Variants in SLC19A2 observed in about 807,000 individuals in gnomAD.
SLC19A2 encodes the protein thiamine transporter 1.
Under a neutral mutation model 44.7 loss-of-function variants are expected in SLC19A2, and 27 were observed. The ratio of observed to expected loss-of-function variants is 0.60; its 90% CI spans 0.45 to 0.83. SLC19A2 has a LOEUF of 0.83. Among genes scored for constraint, SLC19A2 ranks in the 40% least tolerant of loss-of-function variants. The probability of loss-of-function intolerance (pLI) is 0.00; values close to 1 mark genes in which losing one functional copy is unlikely to be tolerated. For missense variants in SLC19A2, 566 were observed against 613.7 expected, an observed-to-expected ratio of 0.92 and a Z score of 0.82; for synonymous variants, 239 against 243.6, an observed-to-expected ratio of 0.98 and a Z score of 0.18.
At chr1:169,483,682 G>A (rs1319287909) in intron 1 of SLC19A2, among the ~76,000 whole-genome samples, 1 of 152,182 alleles carries the variant, frequency 6.6e-6, no homozygotes, top group Non-Finnish European at 1.5e-5. Flanking sequence ...TTGGTAGCAC[G>A]TCACACAGCA....
rs764767167 is a variant in SLC19A2 at position 169,470,168 on chromosome 1, G to A, written c.826C>T (p.Leu276Phe). The A allele has an allele frequency of 1.2e-6, 2 of 1,614,034 alleles. No homozygotes were observed. Among genetic ancestry groups the A allele is most frequent in the Admixed American group, 3.3e-5 (2 of 59,984 alleles). ...VEEPEPKPDR[L>F]LVLKVLWNDF... The stretch of plus-strand genomic sequence containing the variant: ...TTCCATAGTACTTTCAATACAAGGA[G>A]ACGGTCTGGCTTGGGTTCCTACATA... The change falls in exon 3 of 6, where the codon CTC becomes TTC. Residue 276 changes from leucine (L) to phenylalanine (F), a missense_variant. By Grantham distance (22) the Leu-to-Phe change is conservative. Transcript: ENST00000236137.
At chr1:169,480,673 C>T (rs1332891227) in intron 1 of SLC19A2, among the ~76,000 whole-genome samples, 1 of 152,118 alleles carries the variant, frequency 6.6e-6, no homozygotes, top group Non-Finnish European at 1.5e-5. Context: ...CCCAACATAG[C>T]ACCATGAAGT....
rs1658553110 is a variant in SLC19A2, at chr1:169,485,810, C to T, written c.-44G>A. On this transcript the variant is annotated 5_prime_UTR_variant, in exon 1 of 6. Coordinates refer to ENST00000236137, the MANE Select transcript of SLC19A2 (RefSeq NM_006996.3). ...GGACCCGGCCCGGCCCCTTCCTTCT[C>T]CTCCTCCGCCAACTGGAGTGAGGGT... 1.3e-6 allele frequency: 2 copies of T among 1,499,956 alleles called. No individual in the cohort carries two copies. The highest frequency in any genetic ancestry group is 1.8e-6 in the Non-Finnish European group (2 of 1,131,388). The allele number at this position is 1,499,956 out of a possible 1,614,324, so 92.9% of individuals were successfully genotyped here. A position where few individuals can be genotyped will look rare whatever the true frequency, so the allele number is the denominator to read the frequency against.
chr1:169,475,853 G>A (rs1056294690), intron 2 of SLC19A2, among the ~76,000 whole-genome samples: 2 of 152,114 alleles, frequency 1.3e-5, no homozygotes, highest in Admixed American at 6.6e-5. Context: ...GCTGAAGAAC[G>A]GGGATAGAGA....
intron 1 of SLC19A2, among the ~76,000 whole-genome samples, chr1:169,478,929 T>TA (rs879564962): frequency 1.1e-3 from 158 of 145,240 alleles, no homozygotes; most frequent in Middle Eastern, 3.6e-3. Flanking sequence ...TCTGTCTCTT[T>TA]AAAAAAAAAA....
At chr1:169,478,814 C>T (rs1042020636) in intron 1 of SLC19A2, among the ~76,000 whole-genome samples, 4 of 151,940 alleles carry the variant, frequency 2.6e-5, no homozygotes, top group African/African-American at 9.7e-5. Flanking sequence ...CCTATGGCTG[C>T]TACTCAGGAG....
At position 169,463,922 on chromosome 1, in the gene SLC19A2, G is replaced by A. The variant is rs1657926116; in HGVS notation, c.*1927C>T. 6.6e-6 allele frequency: 1 copy of A among 151,486 alleles called. No individual in the cohort carries two copies. The allele number at this position is 151,486 out of a possible 1,614,324, so 9.4% of individuals were successfully genotyped here. A position where few individuals can be genotyped will look rare whatever the true frequency, so the allele number is the denominator to read the frequency against. The stretch of plus-strand genomic sequence containing the variant: ...AATTTAAAACAATTTTGATTAAAAA[G>A]AGAAAATATACTGTAAAATATTTAT... On this transcript the variant is annotated 3_prime_UTR_variant, in exon 6 of 6. Coordinates refer to ENST00000236137, the MANE Select transcript of SLC19A2 (RefSeq NM_006996.3).
chr1:169,472,505 A>G (rs1325417197), intron 2 of SLC19A2, among the ~76,000 whole-genome samples: 6 of 152,208 alleles, frequency 3.9e-5, no homozygotes, highest in African/African-American at 1.4e-4. Flanking sequence ...TCCACAAAAG[A>G]TTATACAGAG....
rs755478339 is a variant in SLC19A2, at chr1:169,485,528, C to T, written c.204+35G>A. On this transcript the variant is annotated intron_variant, in intron 1 of 5. Coordinates refer to ENST00000236137, the MANE Select transcript of SLC19A2 (RefSeq NM_006996.3). ...CGCTGCCCACCCGCAGGCCGGTCGC[C>T]CGCCCTTCCCGCGCCCCGCGTCCGC... The T allele has an allele frequency of 2.3e-5, 36 of 1,557,726 alleles. No individual in the cohort carries two copies. In the Middle Eastern group the frequency reaches 8.4e-4, roughly 37 times the overall value.
chr1:169,481,027 G>A (rs1007497190), intron 1 of SLC19A2, among the ~76,000 whole-genome samples: 1 of 152,182 alleles, frequency 6.6e-6, no homozygotes, highest in South Asian at 2.1e-4. Context: ...GGGAGAGGGG[G>A]AAGACCAGAT....
At position 169,481,583 on chromosome 1, in the gene SLC19A2, T is replaced by G. The variant is rs540014283; in HGVS notation, c.205-3826A>C. Among the ~76,000 whole-genome samples, 15 of 152,330 alleles carry G rather than the reference T, an allele frequency of 9.8e-5. No individual in the cohort carries two copies. In the East Asian group the frequency reaches 2.9e-3, roughly 29 times the overall value. On this transcript the variant is annotated intron_variant, in intron 1 of 5. Transcript: ENST00000236137. The stretch of plus-strand genomic sequence containing the variant: ...GACAGCAAAAAATGCTTCCTTGATA[T>G]TTTGAATCTTGAAGGGAAACATCCT...
chr1:169,479,469 C>T (rs757370588), intron 1 of SLC19A2, among the ~76,000 whole-genome samples: 18 of 152,198 alleles, frequency 1.2e-4, no homozygotes, highest in Non-Finnish European at 2.5e-4. Context: ...TGATTGTAGA[C>T]AACATTCTTT....
At position 169,468,856 on chromosome 1, in the gene SLC19A2, A is replaced by C. The variant is rs771141557; in HGVS notation, c.1031-20T>G. ...CAGCACCTACAGAACAAACAAAAAA[A>C]ATCCAATTATTTTGCTACACAAATG... is the stretch of plus-strand genomic sequence containing the variant. On this transcript the variant is annotated intron_variant, in intron 3 of 5. Transcript: ENST00000236137. The C allele has an allele frequency of 4.3e-6, 7 of 1,611,128 alleles. No homozygotes were observed. The highest frequency in any genetic ancestry group is 5.9e-6 in the Non-Finnish European group (7 of 1,177,452).
intron 1 of SLC19A2, among the ~76,000 whole-genome samples, chr1:169,478,501 C>A (rs1487450386): frequency 6.8e-6 from 1 of 147,248 alleles, no homozygotes; most frequent in Non-Finnish European, 1.5e-5. Flanking sequence ...GGACTACAGG[C>A]CTGTACTACC....
In SLC19A2 at chr1:169,469,965, C is replaced by G. The variant is rs1379728212; in HGVS notation, c.1029G>C (p.Leu343=). 6.2e-7 allele frequency: 1 copy of G among 1,613,354 alleles called. No homozygotes were observed. Among genetic ancestry groups the G allele is most frequent in the South Asian group, 1.1e-5 (1 of 91,020 alleles). ...CCTCTATTATCCTGCATTGCTTACC[C>G]AGTAAGGTTGAAACGGCCTCCACGC... ...NGGVEAVSTL[L]GAVAVFAVGY... Residue 343 remains leucine (L), a splice_region_variant and synonymous_variant, in exon 3 of 6, where the codon CTG becomes CTC. Transcript: ENST00000236137.
rs760530947 is a variant in SLC19A2, at chr1:169,468,849, C to CA, written c.1031-14dup. 43 of 1,609,934 alleles carry CA rather than the reference C, an allele frequency of 2.7e-5. No homozygotes were observed. The Middle Eastern group carries it at 5.0e-4, about 19-fold the overall frequency. ...ACAGCAACAGCACCTACAGAACAAA[C>CA]AAAAAAAATCCAATTATTTTGCTAC... On this transcript the variant is annotated splice_polypyrimidine_tract_variant and intron_variant, in intron 3 of 5. Transcript: ENST00000236137.
intron 3 of SLC19A2, 38 bp from the exon 4 acceptor site, chr1:169,468,874 C>A (rs1332598486): frequency 6.4e-7 from 1 of 1,573,612 alleles, no homozygotes; most frequent in Non-Finnish European, 8.7e-7. Flanking sequence ...TATTTTGCTA[C>A]ACAAATGCTG....
At chr1:169,471,210 A>G (rs892843699) in intron 2 of SLC19A2, among the ~76,000 whole-genome samples, 1 of 152,200 alleles carries the variant, frequency 6.6e-6, no homozygotes, top group African/African-American at 2.4e-5. Context: ...CATTTACTAT[A>G]AAATGTATAC....
At position 169,484,035 on chromosome 1, in the gene SLC19A2, G is replaced by A. The variant is rs184860327; in HGVS notation, c.204+1528C>T. ...CAAATAGGTTATGAATAACTGTTAC[G>A]GTCGCTTATGTAATGATCCACAAGA... is the stretch of plus-strand genomic sequence containing the variant. On this transcript the variant is annotated intron_variant, in intron 1 of 5. Coordinates refer to ENST00000236137, the MANE Select transcript of SLC19A2 (RefSeq NM_006996.3). Among the ~76,000 whole-genome samples, 447 of 152,172 alleles carry A rather than the reference G, an allele frequency of 2.9e-3. 3 individuals are homozygous for A. The highest frequency in any genetic ancestry group is 0.01 in the African/African-American group (432 of 41,510).
Sources: gnomAD v4.1 joint callset for allele counts (sites outside exome capture counted in the v4.1 genomes callset) on GRCh38, gnomAD v4.1.1 for gene constraint, MANE v1.5 for transcripts, NCBI Gene and HGNC (gene_info 2026-07-23, HGNC 2026-07-21) for gene names.